Variants in UTRN observed in about 807,000 individuals in gnomAD.
The protein encoded by UTRN is dystrophin-related protein 1.
UTRN carries 283 observed loss-of-function variants against 463.9 expected under a neutral mutation model. That is an observed-to-expected ratio of 0.61 (90% confidence interval 0.55 to 0.67). The LOEUF is 0.67. Ranked by LOEUF, UTRN falls within the 30% of genes least tolerant of loss-of-function variation. The pLI, the probability that UTRN is intolerant of heterozygous loss-of-function variation, is 0.00. For missense variants in UTRN, 3,922 were observed against 4,084.3 expected (o/e 0.96, Z 1.08); for synonymous variants, 1,442 against 1,431.5 (o/e 1.01, Z -0.17).
At chr6:144,792,808 A>G (rs933357106) in intron 62 of UTRN, among the ~76,000 whole-genome samples, 1 of 152,190 alleles carries the variant, frequency 6.6e-6, no homozygotes, top group African/African-American at 2.4e-5. Context: ...ATCTTAGGAT[A>G]TTAGCTTTAT....
intron 65 of UTRN, among the ~76,000 whole-genome samples, chr6:144,808,992 A>G (rs973046862): frequency 1.3e-4 from 20 of 152,048 alleles, no homozygotes; most frequent in Admixed American, 3.3e-4. Flanking sequence ...CCTTTTGGAG[A>G]TAATGATTTT....
intron 51 of UTRN, among the ~76,000 whole-genome samples, chr6:144,677,020 A>G (rs1781684709): frequency 1.3e-5 from 2 of 152,206 alleles, no homozygotes; most frequent in Non-Finnish European, 2.9e-5. Context: ...AATCTGATAT[A>G]CCAACATCTA....
chr6:144,418,437 A>C (rs1274070294), intron 3 of UTRN, among the ~76,000 whole-genome samples: 1 of 148,986 alleles, frequency 6.7e-6, no homozygotes, highest in Admixed American at 6.7e-5. Context: ...GTTAGCCAGG[A>C]TGGTCTCGAT....
intron 56 of UTRN, among the ~76,000 whole-genome samples, chr6:144,753,922 A>G (rs1175003726): frequency 1.3e-5 from 2 of 152,142 alleles, no homozygotes; most frequent in Non-Finnish European, 2.9e-5. Flanking sequence ...TACGAAGAGT[A>G]CATTAATATG....
At chr6:144,809,821 T>C (rs1156723986) in intron 65 of UTRN, among the ~76,000 whole-genome samples, 3 of 151,952 alleles carry the variant, frequency 2.0e-5, no homozygotes, top group East Asian at 1.9e-4. Context: ...GGGAAAAGGG[T>C]GTGTAGGAGA....
chr6:144,364,222 T>A (rs1779317125), intron 2 of UTRN, among the ~76,000 whole-genome samples: 2 of 152,238 alleles, frequency 1.3e-5, no homozygotes. Flanking sequence ...GTAACTGTGA[T>A]GGAAGGAACT....
intron 53 of UTRN, among the ~76,000 whole-genome samples, chr6:144,705,166 T>C (rs1426670965): frequency 1.3e-5 from 2 of 151,992 alleles, no homozygotes; most frequent in Non-Finnish European, 2.9e-5. Flanking sequence ...TAAGGAGGGT[T>C]GTTGGCTCCT....
At chr6:144,370,132 G>A (rs1261988415) in intron 2 of UTRN, among the ~76,000 whole-genome samples, 1 of 152,190 alleles carries the variant, frequency 6.6e-6, no homozygotes, top group Non-Finnish European at 1.5e-5. Context: ...GAAGAACTTG[G>A]AGGGCTTCCC....
At chr6:144,511,487 A>G (rs1156919623) in intron 35 of UTRN, among the ~76,000 whole-genome samples, 1 of 152,232 alleles carries the variant, frequency 6.6e-6, no homozygotes, top group African/African-American at 2.4e-5. Flanking sequence ...GGTTAAGAGC[A>G]CAGGCTCTAG....
rs780689447 is a variant in UTRN, at chr6:144,521,950, TATA to T, written c.5542-29_5542-27del. On this transcript the variant is annotated intron_variant, in intron 39 of 74. Transcript: ENST00000367545. ...GTATTTTAAGAGATATATATATATA[TATA>T]TATTTTTTTTTTTGCTGTTTTTGTA... 8.0e-5 allele frequency: 99 copies of T among 1,231,680 alleles called. 3 individuals carry two copies. The highest frequency in any genetic ancestry group is 2.3e-4 in the East Asian group (7 of 29,988). 76.3% of individuals were successfully genotyped at this position (1,231,680 alleles called of 1,614,324 possible).
chr6:144,391,799 A>C (rs7746323), intron 2 of UTRN, among the ~76,000 whole-genome samples: 1 of 151,960 alleles, frequency 6.6e-6, no homozygotes, highest in Non-Finnish European at 1.5e-5. Flanking sequence ...GCACCACCAC[A>C]CCCATCTAAT....
At chr6:144,800,045 G>C (rs1006221598) in intron 64 of UTRN, among the ~76,000 whole-genome samples, 7 of 152,194 alleles carry the variant, frequency 4.6e-5, no homozygotes, top group Admixed American at 4.6e-4. Context: ...CAGATTAATT[G>C]ACTTGGGAAG....
chr6:144,450,079 C>T (rs1360106428), intron 17 of UTRN, among the ~76,000 whole-genome samples: 1 of 152,188 alleles, frequency 6.6e-6, no homozygotes, highest in Non-Finnish European at 1.5e-5. Flanking sequence ...ACCTCTCAAA[C>T]CTGTCCTTTC....
intron 52 of UTRN, among the ~76,000 whole-genome samples, chr6:144,686,259 A>G (rs1302890690): frequency 6.6e-6 from 1 of 152,056 alleles, no homozygotes; most frequent in African/African-American, 2.4e-5. Flanking sequence ...GTCTATGAAG[A>G]TGCTTGATAT....
chr6:144,438,665 A>G (rs1786822368), intron 11 of UTRN, 80 bp from the exon 12 acceptor site: 1 of 1,562,808 alleles, frequency 6.4e-7, no homozygotes, highest in Non-Finnish European at 8.7e-7. Flanking sequence ...CTTGCCCTGT[A>G]TCTCCGGTGC....
Position 144,285,505 on chromosome 6 carries a change from A to G in UTRN, c.-409A>G, listed in dbSNP as rs1365770671. On this transcript the variant is annotated 5_prime_UTR_variant, in exon 1 of 75. Coordinates refer to ENST00000367545, the MANE Select transcript of UTRN (RefSeq NM_007124.3). ...ACGGAAAACTCTGTAGCGTTTGGCAAAGTTGGTGCCTGCGCGCCCCTTCCA... is the reference window on the plus strand; with the variant it reads ...ACGGAAAACTCTGTAGCGTTTGGCAGAGTTGGTGCCTGCGCGCCCCTTCCA... 6.6e-6 allele frequency among the ~76,000 whole-genome samples: 1 copy of G among 152,118 alleles called. No homozygotes were observed. Among genetic ancestry groups the G allele is most frequent in the Non-Finnish European group, 1.5e-5 (1 of 68,000 alleles).
intron 51 of UTRN, among the ~76,000 whole-genome samples, chr6:144,647,122 T>C (rs532363461): frequency 1.2e-4 from 19 of 152,258 alleles, no homozygotes; most frequent in African/African-American, 3.8e-4. Context: ...TAATACTCAG[T>C]TTGGTATTTG....
chr6:144,781,368 C>T (rs1292944368), intron 60 of UTRN, among the ~76,000 whole-genome samples: 2 of 152,174 alleles, frequency 1.3e-5, no homozygotes, highest in Non-Finnish European at 2.9e-5. Context: ...ATTCAGCAGG[C>T]AGTGGAGAGC....
At chr6:144,501,779 G>T (rs1041245988) in intron 34 of UTRN, among the ~76,000 whole-genome samples, 1 of 151,958 alleles carries the variant, frequency 6.6e-6, no homozygotes, top group African/African-American at 2.4e-5. Context: ...ATTGATCAAG[G>T]GACAGGAATA....
Sources: allele counts gnomAD v4.1 joint callset (sites outside exome capture counted in the v4.1 genomes callset), GRCh38; gene constraint gnomAD v4.1.1; transcripts MANE v1.5; gene names NCBI Gene and HGNC (gene_info 2026-07-23, HGNC 2026-07-21).